Variants in ABLIM1 observed in about 807,000 individuals in gnomAD.
ABLIM1 encodes actin-binding LIM protein 1.
A neutral mutation model predicts 107.0 loss-of-function variants in ABLIM1; 40 were observed. The ratio of observed to expected loss-of-function variants is 0.37; its 90% CI spans 0.29 to 0.49. The LOEUF (loss-of-function observed/expected upper bound fraction) is 0.49. Ranked by LOEUF, ABLIM1 falls within the 20% of genes least tolerant of loss-of-function variation. The pLI, the probability that ABLIM1 is intolerant of heterozygous loss-of-function variation, is 0.97. For missense variants in ABLIM1, 857 were observed against 1,008.5 expected (o/e 0.85, Z 2.04); for synonymous variants, 357 against 357.3 (o/e 1.00, Z 0.01).
In ABLIM1 at chr10:114,432,558, A is replaced by C. The variant is rs2058967002; in HGVS notation, c.*3702T>G. 1 of 152,256 alleles carries C rather than the reference A, an allele frequency of 6.6e-6. No homozygotes were observed. 9.4% of individuals were successfully genotyped at this position (152,256 alleles called of 1,614,324 possible). On this transcript the variant is annotated 3_prime_UTR_variant, in exon 23 of 23. Transcript: ENST00000533213. ...TATCATCATCTGAGAAGCAATTCTT[A>C]GAAAAAAATGTTTGCTTCAATGTCT...
intron 1 of ABLIM1, among the ~76,000 whole-genome samples, chr10:114,655,921 C>T (rs990226636): frequency 6.6e-6 from 1 of 152,166 alleles, no homozygotes; most frequent in African/African-American, 2.4e-5. Context: ...CCAGCCAAAG[C>T]TCTGTATAGG....
chr10:114,676,555 G>A (rs925413071), intron 1 of ABLIM1, among the ~76,000 whole-genome samples: 2 of 152,004 alleles, frequency 1.3e-5, no homozygotes, highest in Non-Finnish European at 2.9e-5. Context: ...GGATTTATAC[G>A]ATTATGTTTC....
At chr10:114,530,300 C>T (rs903126328) in intron 6 of ABLIM1, among the ~76,000 whole-genome samples, 1 of 152,072 alleles carries the variant, frequency 6.6e-6, no homozygotes, top group Non-Finnish European at 1.5e-5. Context: ...AAAAGCCACA[C>T]TTTGGCAGTC....
intron 1 of ABLIM1, among the ~76,000 whole-genome samples, chr10:114,691,998 C>T (rs1409799858): frequency 6.6e-6 from 1 of 152,190 alleles, no homozygotes; most frequent in Non-Finnish European, 1.5e-5. Flanking sequence ...CTGCACTGTT[C>T]ACTCAGTGTG....
intron 4 of ABLIM1, among the ~76,000 whole-genome samples, chr10:114,569,381 G>T (rs145827820): frequency 6.6e-6 from 1 of 151,358 alleles, no homozygotes; most frequent in Non-Finnish European, 1.5e-5. Flanking sequence ...GTGCAGTGGC[G>T]CGATCTCGGC....
chr10:114,458,401 T>C (rs1189366257), intron 12 of ABLIM1, among the ~76,000 whole-genome samples: 1 of 152,142 alleles, frequency 6.6e-6, no homozygotes, highest in African/African-American at 2.4e-5. Flanking sequence ...CTTTCATTCT[T>C]CTTTTTGGCA....
intron 2 of ABLIM1, among the ~76,000 whole-genome samples, chr10:114,598,669 G>GA (rs1566055807): frequency 2.6e-5 from 4 of 151,580 alleles, no homozygotes; most frequent in African/African-American, 9.7e-5. Context: ...AAGGTGGCAT[G>GA]AAAAAAAAGA....
chr10:114,567,256 C>A (rs2483561), intron 4 of ABLIM1, among the ~76,000 whole-genome samples: 143,729 of 152,338 alleles, frequency 0.94, 67,828 homozygotes, highest in East Asian at 0.97. Context: ...TATCAGGGAC[C>A]GGAACATGGC....
chr10:114,554,093 A>C (rs2068419336), intron 4 of ABLIM1, among the ~76,000 whole-genome samples: 1 of 152,182 alleles, frequency 6.6e-6, no homozygotes, highest in Non-Finnish European at 1.5e-5. Flanking sequence ...ATTTTGGTCA[A>C]ATAACTCAAA....
the ABLIM1 span, among the ~76,000 whole-genome samples, chr10:114,781,462 C>T: frequency 1.3e-5 from 2 of 151,548 alleles, no homozygotes; most frequent in East Asian, 3.9e-4. Context: ...CGAGATCATG[C>T]CACTGCACCC....
chr10:114,498,757 A>T (rs1366344756), intron 6 of ABLIM1, among the ~76,000 whole-genome samples: 3 of 152,236 alleles, frequency 2.0e-5, no homozygotes, highest in Non-Finnish European at 4.4e-5. Context: ...AAGCTCAGGC[A>T]AACATGTTTG....
At chr10:114,686,201 T>C (rs1290582266), upstream of ABLIM1, among the ~76,000 whole-genome samples, 3 of 152,142 alleles carry the variant, frequency 2.0e-5, no homozygotes, top group African/African-American at 7.2e-5. Context: ...ACAATTTGGT[T>C]GATGATTTAT....
chr10:114,667,812 AC>A (rs1483062794), intron 1 of ABLIM1, among the ~76,000 whole-genome samples: 5 of 152,026 alleles, frequency 3.3e-5, no homozygotes, highest in African/African-American at 9.7e-5. Flanking sequence ...TGTTTTTGAG[AC>A]TCATCCATAT....
intron 10 of ABLIM1, among the ~76,000 whole-genome samples, chr10:114,472,159 C>T (rs981632335): frequency 6.6e-6 from 1 of 152,162 alleles, no homozygotes; most frequent in Non-Finnish European, 1.5e-5. Context: ...AATTGCTTTA[C>T]ATAGATTAGC....
rs1299465113 is a variant in ABLIM1, at chr10:114,437,843, C to T, written c.2223+1G>A. On this transcript the variant is annotated splice_donor_variant, in intron 22 of 22. Coordinates refer to ENST00000533213, the MANE Select transcript of ABLIM1 (RefSeq NM_002313.7). LOFTEE classifies it high-confidence loss of function. ...GACTGGATTTTTCGGTTTTGTTTTA[C>T]CTCCAGCCTGGTTCTGTCCACCTCT... is the stretch of plus-strand genomic sequence containing the variant. 6.2e-7 allele frequency: 1 copy of T among 1,613,764 alleles called. No individual in the cohort carries two copies. Among genetic ancestry groups the T allele is most frequent in the East Asian group, 2.2e-5 (1 of 44,876 alleles).
At chr10:114,726,154 A>C (rs1433751434) in intron 1 of ABLIM1, among the ~76,000 whole-genome samples, 1 of 148,122 alleles carries the variant, frequency 6.8e-6, no homozygotes, top group African/African-American at 2.5e-5. Context: ...GACTTGTAAA[A>C]AGTTTTAGGG....
chr10:114,464,132 G>C (rs373712403), intron 12 of ABLIM1, among the ~76,000 whole-genome samples: 217 of 152,012 alleles, frequency 1.4e-3, no homozygotes, highest in African/African-American at 4.6e-3. Flanking sequence ...CTCCATGGCT[G>C]GGGTCTCAGT....
At chr10:114,513,846 C>T (rs930182881) in intron 6 of ABLIM1, among the ~76,000 whole-genome samples, 2 of 152,152 alleles carry the variant, frequency 1.3e-5, no homozygotes, top group South Asian at 2.1e-4. Flanking sequence ...AGTGCCCCTG[C>T]AAATTCTTAT....
At chr10:114,681,715 C>A (rs1448956736) in intron 1 of ABLIM1, among the ~76,000 whole-genome samples, 3 of 152,238 alleles carry the variant, frequency 2.0e-5, no homozygotes, top group African/African-American at 7.2e-5. Flanking sequence ...GGAAGATATT[C>A]AAGGTACCCT....
Sources: allele counts gnomAD v4.1 joint callset (sites outside exome capture counted in the v4.1 genomes callset), GRCh38; gene constraint gnomAD v4.1.1; transcripts MANE v1.5; gene names NCBI Gene and HGNC (gene_info 2026-07-23, HGNC 2026-07-21).